Variants in MIDEAS observed in about 807,000 individuals in gnomAD.
MIDEAS encodes mitotic deacetylase associated SANT domain protein.
A neutral mutation model predicts 102.7 loss-of-function variants in MIDEAS; 26 were observed. The ratio of observed to expected loss-of-function variants is 0.25; its 90% CI spans 0.19 to 0.35. The LOEUF is 0.35. Among genes scored for constraint, MIDEAS ranks in the 10% least tolerant of loss-of-function variants. The pLI, the probability that MIDEAS is intolerant of heterozygous loss-of-function variation, is 1.00. For missense variants in MIDEAS, 1,231 were observed against 1,435.6 expected, an observed-to-expected ratio of 0.86 and a Z score of 2.30; for synonymous variants, 585 against 591.0, an observed-to-expected ratio of 0.99 and a Z score of 0.15.
intron 11 of MIDEAS, among the ~76,000 whole-genome samples, 181 bp from the exon 12 acceptor site, chr14:73,719,682 G>C (rs1262797825): frequency 6.6e-6 from 1 of 151,630 alleles, no homozygotes; most frequent in African/African-American, 2.4e-5. Flanking sequence ...CTGCATCTCT[G>C]GTCAGCTCTA....
intron 3 of MIDEAS, among the ~76,000 whole-genome samples, chr14:73,731,234 C>A (rs1452027917): frequency 6.6e-6 from 1 of 152,202 alleles, no homozygotes; most frequent in Admixed American, 6.5e-5. Flanking sequence ...CAGTTTATCC[C>A]TCTGCGTACT....
chr14:73,718,021 A>C lies in MIDEAS; in HGVS notation c.*822T>G, dbSNP rs2140088485. The C allele has an allele frequency of 6.6e-6, 1 of 152,534 alleles. No individual in the cohort carries two copies. The highest frequency in any genetic ancestry group is 3.4e-3 in the Middle Eastern group (1 of 296). The allele number at this position is 152,534 out of a possible 1,614,324, so 9.4% of individuals were successfully genotyped here. A position where few individuals can be genotyped will look rare whatever the true frequency, so the allele number is the denominator to read the frequency against. On this transcript the variant is annotated 3_prime_UTR_variant, in exon 13 of 13. Transcript: ENST00000423556. ...CTCCAGGACCCAAAGGTATTCAGCC[A>C]AAAAGGTGGGAAGCAGGAAGAGCCA...
chr14:73,760,819 G>C (rs1238330226), upstream of MIDEAS, among the ~76,000 whole-genome samples: 1 of 152,142 alleles, frequency 6.6e-6, no homozygotes, highest in Non-Finnish European at 1.5e-5. The surrounding 1 kb of genome is among the most constrained non-coding windows in gnomAD (Gnocchi z 4.8). Flanking sequence ...AAAATCTCCT[G>C]GATTTAAATC....
At chr14:73,779,112 A>G (rs981006825) in intron 1 of MIDEAS, among the ~76,000 whole-genome samples, 3 of 151,890 alleles carry the variant, frequency 2.0e-5, no homozygotes, top group Admixed American at 6.5e-5. Context: ...ATAGCCGGGC[A>G]TGGTTGGCGC....
rs1215066224 is a variant in MIDEAS, at chr14:73,725,246, T to G, written c.2574+26A>C. 20 of 1,602,764 alleles carry G rather than the reference T, an allele frequency of 1.2e-5. No homozygotes were observed. Among genetic ancestry groups the G allele is most frequent in the Non-Finnish European group, 1.7e-6 (2 of 1,169,844 alleles). ...CACACAGGCAGCTCCTGGCCCTCAT[T>G]TGCCCTGAAACAGAGCCCAGCTCAC... On this transcript the variant is annotated intron_variant, in intron 9 of 12. Coordinates refer to ENST00000423556, the MANE Select transcript of MIDEAS (RefSeq NM_001367710.1). This position sits in a 1 kb window ranked among gnomAD's most constrained non-coding sequence, Gnocchi z 4.1.
At chr14:73,754,223 G>C (rs2053454861) in intron 1 of MIDEAS, among the ~76,000 whole-genome samples, 1 of 152,260 alleles carries the variant, frequency 6.6e-6, no homozygotes, top group East Asian at 1.9e-4. Flanking sequence ...AACAGGGACA[G>C]AAAGCACAAC....
At chr14:73,782,915 T>C (rs774664400) in intron 1 of MIDEAS, among the ~76,000 whole-genome samples, 4 of 152,194 alleles carry the variant, frequency 2.6e-5, no homozygotes, top group Non-Finnish European at 4.4e-5. Flanking sequence ...GGCTTAATGC[T>C]CAGAATTGAG....
chr14:73,728,446 A>C (rs1386763807), intron 4 of MIDEAS: 1 of 152,336 alleles, frequency 6.6e-6, no homozygotes, highest in African/African-American at 2.4e-5. Context: ...GCACGGTCCC[A>C]TCTACAGGCC....
intron 12 of MIDEAS, 83 bp downstream of exon 12, chr14:73,719,222 T>TGGGGCGG: frequency 6.7e-7 from 1 of 1,497,120 alleles, no homozygotes. Flanking sequence ...CTGTACCTCT[T>TGGGGCGG]CCCCCTCCCC....
intron 3 of MIDEAS, among the ~76,000 whole-genome samples, chr14:73,734,306 G>T (rs2053175931): frequency 6.6e-6 from 1 of 152,162 alleles, no homozygotes. Flanking sequence ...TTAATATCTA[G>T]CAACTCTTCT....
In MIDEAS at chr14:73,737,096, C is replaced by T. The variant is rs762076856; in HGVS notation, c.1651G>A (p.Gly551Arg). 27 of 1,613,960 alleles carry T rather than the reference C, an allele frequency of 1.7e-5. No individual in the cohort carries two copies. Among genetic ancestry groups the T allele is most frequent in the African/African-American group, 5.3e-5 (4 of 74,890 alleles). The change falls in exon 3 of 13, where the codon GGG becomes AGG. Residue 551 changes from glycine (G) to arginine (R), a missense_variant. Coordinates refer to ENST00000423556, the MANE Select transcript of MIDEAS (RefSeq NM_001367710.1). ...GCAGGGTTCTGTTCAGGACCCTTCC[C>T]GTCCTCATCAAGACCTCCAGCCTGG... ...AAQAGGLDEDGKGPEQNPAEH... is the reference protein window; with the variant it reads ...AAQAGGLDEDRKGPEQNPAEH...
In MIDEAS at chr14:73,717,307, C is replaced by G. The variant is rs1434683956; in HGVS notation, c.*1536G>C. On this transcript the variant is annotated 3_prime_UTR_variant, in exon 13 of 13. Transcript: ENST00000423556. ...ATAAGATCAGAAAAATAGCTGAGCC[C>G]CGCTATGGGACTGGAAGTGAAGGGG... 2 of 152,162 alleles carry G rather than the reference C, an allele frequency of 1.3e-5. No homozygotes were observed. Among genetic ancestry groups the G allele is most frequent in the East Asian group, 3.8e-4 (2 of 5,204 alleles). The allele number at this position is 152,162 out of a possible 1,614,324, so 9.4% of individuals were successfully genotyped here. A position where few individuals can be genotyped will look rare whatever the true frequency, so the allele number is the denominator to read the frequency against.
rs1009263528 is a variant in MIDEAS at position 73,717,714 on chromosome 14, T to C, written c.*1129A>G. 3 of 152,590 alleles carry C rather than the reference T, an allele frequency of 2.0e-5. No individual in the cohort carries two copies. Among genetic ancestry groups the C allele is most frequent in the African/African-American group, 7.2e-5 (3 of 41,420 alleles). 9.5% of individuals were successfully genotyped at this position (152,590 alleles called of 1,614,324 possible). A position where few individuals can be genotyped will look rare whatever the true frequency, so the allele number is the denominator to read the frequency against. ...AGGCCCCTGGTCCCTGAGAGGATGT[T>C]AAAAATTAAATACTAAGAATAAATA... On this transcript the variant is annotated 3_prime_UTR_variant, in exon 13 of 13. Transcript: ENST00000423556.
In MIDEAS at chr14:73,725,988, A is replaced by AC. The variant is rs1449882846; in HGVS notation, c.2485+44dup. On this transcript the variant is annotated intron_variant, in intron 8 of 12. Transcript: ENST00000423556. This position sits in a 1 kb window ranked among gnomAD's most constrained non-coding sequence, Gnocchi z 4.1. Reference sequence around the variant, plus strand: ...GAGCAGGGCCCCATGGATGCTGGAGACCTCTTGAGGCTCCAGGCACCATGC... The same window carrying AC: ...GAGCAGGGCCCCATGGATGCTGGAGACCCTCTTGAGGCTCCAGGCACCATGC... The AC allele has an allele frequency of 1.4e-5, 21 of 1,487,196 alleles. No homozygotes were observed. The East Asian group carries it at 5.0e-4, about 36-fold the overall frequency. 92.1% of individuals were successfully genotyped at this position (1,487,196 alleles called of 1,614,324 possible).
In MIDEAS at chr14:73,725,278, C is replaced by T. The variant is rs1369414063; in HGVS notation, c.2568G>A (p.Gln856=). ...AIYKKDFFLV[Q]KLIQTKTVAQ... is the part of the protein sequence containing the mutation. ...GAAACAGAGCCCAGCTCACCAGCTT[C>T]TGCACCAGGAAGAAATCCTTCTTGT... Residue 856 remains glutamine (Q), a synonymous_variant, in exon 9 of 13, where the codon CAG becomes CAA. Transcript: ENST00000423556. The surrounding 1 kb of genome is among the most constrained non-coding windows in gnomAD (Gnocchi z 4.1). The T allele has an allele frequency of 6.2e-7, 1 of 1,613,944 alleles. No homozygotes were observed. Among genetic ancestry groups the T allele is most frequent in the Non-Finnish European group, 8.5e-7 (1 of 1,179,834 alleles).
Position 73,760,059 on chromosome 14 carries a change from TC to T in MIDEAS, c.-545del, listed in dbSNP as rs1390917714. On this transcript the variant is annotated 5_prime_UTR_variant, in exon 1 of 13. An upstream open reading frame in the 5' UTR gains an earlier in-frame stop. Coordinates refer to ENST00000423556, the MANE Select transcript of MIDEAS (RefSeq NM_001367710.1). The surrounding 1 kb of genome is among the most constrained non-coding windows in gnomAD (Gnocchi z 4.8). ...CCGTCCGCCTCGCGAGCGCTCTGCC[TC>T]CCTCCGTGTCACCCCCAGTCCTGCG... The T allele has an allele frequency of 1.3e-5, 2 of 149,210 alleles. No homozygotes were observed. The highest frequency in any genetic ancestry group is 3.0e-5 in the Non-Finnish European group (2 of 67,542). The allele number at this position is 149,210 out of a possible 1,614,324, so 9.2% of individuals were successfully genotyped here.
intron 2 of MIDEAS, among the ~76,000 whole-genome samples, chr14:73,737,696 C>T (rs376843448): frequency 8.6e-5 from 13 of 151,654 alleles, no homozygotes; most frequent in Admixed American, 3.9e-4. Context: ...CATTTAGTCA[C>T]GGGACTCAAA....
Position 73,739,347 on chromosome 14 carries a change from A to C in MIDEAS, c.662T>G (p.Phe221Cys), listed in dbSNP as rs768616478. 1 of 1,602,960 alleles carries C rather than the reference A, an allele frequency of 6.2e-7. No homozygotes were observed. Among genetic ancestry groups the C allele is most frequent in the Non-Finnish European group, 8.5e-7 (1 of 1,173,342 alleles). Residue 221 changes from phenylalanine (F) to cysteine (C), a missense_variant, in exon 2 of 13, where the codon TTC (phenylalanine) becomes TGC (cysteine). Around this residue, in one of 5 missense-constraint regions of MIDEAS, gnomAD observed 758 missense variants for 856.0 expected, o/e 0.89. Coordinates refer to ENST00000423556, the MANE Select transcript of MIDEAS (RefSeq NM_001367710.1). ...GACCTGCCGGTTCACCTGGTGGCCG[A>C]ATGCCAGCTGGAAGGGTTGCAGGGG... The part of the protein sequence containing the change: ...SLPLQPFQLA[F>C]GHQVNRQVFR...
chr14:73,746,888 A>C (rs1029876711), intron 1 of MIDEAS, among the ~76,000 whole-genome samples: 1 of 152,166 alleles, frequency 6.6e-6, no homozygotes, highest in South Asian at 2.1e-4. Flanking sequence ...GAGACACAGG[A>C]GACACAGAGC....
Sources: allele counts gnomAD v4.1 joint callset (sites outside exome capture counted in the v4.1 genomes callset), GRCh38; gene constraint gnomAD v4.1.1; regional missense constraint gnomAD v4.1.1; non-coding constraint Gnocchi (gnomAD v3.1); transcripts MANE v1.5; gene names NCBI Gene and HGNC (gene_info 2026-07-23, HGNC 2026-07-21).